Variants in CLDN20 observed in about 807,000 individuals in gnomAD.
CLDN20 encodes claudin-20.
For missense variants in CLDN20, 258 were observed against 267.9 expected, an observed-to-expected ratio of 0.96 and a Z score of 0.26; for synonymous variants, 104 against 103.6, an observed-to-expected ratio of 1.00 and a Z score of -0.03.
chr6:155,266,545 A>G (rs1784639777), intron 1 of CLDN20, among the ~76,000 whole-genome samples: 1 of 152,164 alleles, frequency 6.6e-6, no homozygotes, highest in Non-Finnish European at 1.5e-5. Flanking sequence ...TCTCGCTCAC[A>G]GTTAAGAATG....
At chr6:155,269,822 C>T (rs1784840475) in intron 1 of CLDN20, among the ~76,000 whole-genome samples, 1 of 152,292 alleles carries the variant, frequency 6.6e-6, no homozygotes, top group Non-Finnish European at 1.5e-5. Flanking sequence ...TTTAATCATT[C>T]AAGTGCAATT....
At chr6:155,273,795 A>G (rs1785050131) in intron 1 of CLDN20, among the ~76,000 whole-genome samples, 1 of 152,312 alleles carries the variant, frequency 6.6e-6, no homozygotes, top group African/African-American at 2.4e-5. Context: ...GTGATATCCT[A>G]TCTGAACATT....
In CLDN20 at chr6:155,276,485, A is replaced by G; in HGVS notation, c.*106A>G. ...TAACTTTCCCTACAAAGAAAGTAGA[A>G]TGTAAAATACTTTAACAACTACAAA... On this transcript the variant is annotated 3_prime_UTR_variant, in exon 2 of 2. Coordinates refer to ENST00000367165, the MANE Select transcript of CLDN20 (RefSeq NM_001001346.3). 1 of 1,026,450 alleles carries G rather than the reference A, an allele frequency of 9.7e-7. No individual in the cohort carries two copies. Among genetic ancestry groups the G allele is most frequent in the South Asian group, 1.7e-5 (1 of 58,940 alleles). The allele number at this position is 1,026,450 out of a possible 1,614,324, so 63.6% of individuals were successfully genotyped here.
intron 1 of CLDN20, among the ~76,000 whole-genome samples, chr6:155,267,782 C>T (rs1784729181): frequency 1.3e-5 from 2 of 152,196 alleles, no homozygotes; most frequent in Non-Finnish European, 2.9e-5. Flanking sequence ...TTTGTATAAT[C>T]AACCTTCACA....
At chr6:155,264,921 GGAGATGCACGTGTAATCCTCA>G in intron 1 of CLDN20, among the ~76,000 whole-genome samples, 1 of 152,260 alleles carries the variant, frequency 6.6e-6, no homozygotes, top group East Asian at 1.9e-4. Context: ...ACAATTTCAG[GGAGATGCACGTGTAATCCTCA>G]AGAAAGCACA....
At chr6:155,269,208 G>A (rs988982419) in intron 1 of CLDN20, among the ~76,000 whole-genome samples, 7 of 151,692 alleles carry the variant, frequency 4.6e-5, no homozygotes, top group African/African-American at 7.3e-5. Flanking sequence ...TATGTAGTAT[G>A]TCAGGGTTTC....
In CLDN20 at chr6:155,276,456, T is replaced by C; in HGVS notation, c.*77T>C. The C allele has an allele frequency of 7.8e-7, 1 of 1,286,614 alleles. No individual in the cohort carries two copies. The highest frequency in any genetic ancestry group is 1.1e-6 in the Non-Finnish European group (1 of 933,016). 79.7% of individuals were successfully genotyped at this position (1,286,614 alleles called of 1,614,324 possible). ...TTAGATTAAAAAAAAATCAGAATTA[T>C]GCTTAACTTTCCCTACAAAGAAAGT... On this transcript the variant is annotated 3_prime_UTR_variant, in exon 2 of 2. Transcript: ENST00000367165.
chr6:155,264,835 T>C (rs1433550985), intron 1 of CLDN20, among the ~76,000 whole-genome samples: 1 of 152,164 alleles, frequency 6.6e-6, no homozygotes, highest in Admixed American at 6.5e-5. Flanking sequence ...AATGTACATA[T>C]GTATGTATGT....
chr6:155,272,382 T>TC (rs1466759310), intron 1 of CLDN20, among the ~76,000 whole-genome samples: 1 of 152,162 alleles, frequency 6.6e-6, no homozygotes, highest in African/African-American at 2.4e-5. Context: ...GGCGAGTAGT[T>TC]CATAAACTGA....
rs765326646 is a variant in CLDN20, at chr6:155,276,210, T to C, written c.491T>C (p.Ile164Thr). 23 of 1,614,152 alleles carry C rather than the reference T, an allele frequency of 1.4e-5. No homozygotes were observed. The highest frequency in any genetic ancestry group is 1.9e-5 in the Non-Finnish European group (23 of 1,180,020). Reference sequence around the variant, plus strand: ...AACAAACATGAACCTGGAGGAGCTATCTATATCGGATTCATTTCTGCAATG... The same window carrying C: ...AACAAACATGAACCTGGAGGAGCTACCTATATCGGATTCATTTCTGCAATG... Reference protein sequence around the residue: ...ESNKHEPGGAIYIGFISAMLL... With the variant: ...ESNKHEPGGATYIGFISAMLL... The change falls in exon 2 of 2, where the codon ATC becomes ACC. Residue 164 changes from isoleucine to threonine, a missense_variant. Coordinates refer to ENST00000367165, the MANE Select transcript of CLDN20 (RefSeq NM_001001346.3).
intron 1 of CLDN20, among the ~76,000 whole-genome samples, chr6:155,266,277 A>C (rs1784629609): frequency 6.6e-6 from 1 of 152,194 alleles, no homozygotes; most frequent in African/African-American, 2.4e-5. Flanking sequence ...CCATCCCAGA[A>C]AATTAAATAA....
intron 1 of CLDN20, among the ~76,000 whole-genome samples, chr6:155,266,538 C>T (rs1420967210): frequency 6.6e-6 from 1 of 152,162 alleles, no homozygotes; most frequent in South Asian, 2.1e-4. Context: ...TCCCCAGTCT[C>T]GCTCACAGTT....
chr6:155,266,200 A>C (rs930490598), intron 1 of CLDN20, among the ~76,000 whole-genome samples: 10 of 152,132 alleles, frequency 6.6e-5, no homozygotes, highest in Admixed American at 6.5e-4. Context: ...ATTTTTTTTA[A>C]AATTCAGAAC....
In CLDN20 at chr6:155,275,644, G is replaced by A; in HGVS notation, c.-76G>A. 2.8e-6 allele frequency: 4 copies of A among 1,420,970 alleles called. No individual in the cohort carries two copies. In the South Asian group the frequency reaches 4.0e-5, roughly 14 times the overall value. 88.0% of individuals were successfully genotyped at this position (1,420,970 alleles called of 1,614,324 possible). A position where few individuals can be genotyped will look rare whatever the true frequency, so the allele number is the denominator to read the frequency against. ...TTGTTATTTGGTTCTCTACTGCACA[G>A]AAATAGATAGAATTCTGACAGCCAT... On this transcript the variant is annotated 5_prime_UTR_variant, in exon 2 of 2. Transcript: ENST00000367165.
intron 1 of CLDN20, among the ~76,000 whole-genome samples, chr6:155,265,183 GCT>G (rs1784572303): frequency 6.6e-6 from 1 of 152,172 alleles, no homozygotes; most frequent in Non-Finnish European, 1.5e-5. Context: ...CAGCTTCGAG[GCT>G]GCCCAGCCGG....
chr6:155,265,290 C>T (rs1327338407), intron 1 of CLDN20, among the ~76,000 whole-genome samples: 1 of 152,230 alleles, frequency 6.6e-6, no homozygotes, highest in Non-Finnish European at 1.5e-5. Context: ...GAAGACAGGA[C>T]CTCAGAGAGG....
Position 155,276,236 on chromosome 6 carries a change from CTGT to C in CLDN20, c.522_524del (p.Leu174del), listed in dbSNP as rs1396503332. 8.7e-6 allele frequency: 14 copies of C among 1,614,092 alleles called. No homozygotes were observed. Among genetic ancestry groups the C allele is most frequent in the Non-Finnish European group, 1.2e-5 (14 of 1,180,018 alleles). On this transcript the variant is annotated inframe_deletion, in exon 2 of 2. Coordinates refer to ENST00000367165, the MANE Select transcript of CLDN20 (RefSeq NM_001001346.3). Reference sequence around the variant, plus strand: ...CTATATCGGATTCATTTCTGCAATGCTGTTGTTTATCTCTGGCATGATTTTCTG... The same window carrying C: ...CTATATCGGATTCATTTCTGCAATGCTGTTTATCTCTGGCATGATTTTCTG...
chr6:155,266,846 C>CAAA (rs1213939199), intron 1 of CLDN20, among the ~76,000 whole-genome samples: 2 of 62,836 alleles, frequency 3.2e-5, no homozygotes, highest in Admixed American at 2.3e-4. Context: ...GACTCCGTCT[C>CAAA]AAAAAAAAAA....
In CLDN20 at chr6:155,276,188, A is replaced by G. The variant is rs1276247557; in HGVS notation, c.469A>G (p.Lys157Glu). 1 of 1,614,136 alleles carries G rather than the reference A, an allele frequency of 6.2e-7. No individual in the cohort carries two copies. Among genetic ancestry groups the G allele is most frequent in the Middle Eastern group, 1.6e-4 (1 of 6,062 alleles). The change falls in exon 2 of 2, where the codon AAA (lysine) becomes GAA (glutamate). Residue 157 changes from lysine to glutamate, a missense_variant. Physicochemically the swap from Lys to Glu is moderately conservative, Grantham distance 56. Coordinates refer to ENST00000367165, the MANE Select transcript of CLDN20 (RefSeq NM_001001346.3). ...GGATCTGACAGTTCCAGAAAGCAAC[A>G]AACATGAACCTGGAGGAGCTATCTA... ...FLDLTVPESN[K>E]HEPGGAIYIG...
Sources: allele counts gnomAD v4.1 joint callset (sites outside exome capture counted in the v4.1 genomes callset), GRCh38; gene constraint gnomAD v4.1.1; transcripts MANE v1.5; gene names NCBI Gene and HGNC (gene_info 2026-07-23, HGNC 2026-07-21).